Variants in GSK3B observed in about 807,000 individuals in gnomAD.
GSK3B encodes the protein glycogen synthase kinase 3 beta.
In GSK3B, 15 loss-of-function variants were observed where a neutral mutation model predicts 56.4. The ratio of observed to expected loss-of-function variants is 0.27; its 90% CI spans 0.18 to 0.41. GSK3B has a LOEUF of 0.41. Among genes scored for constraint, GSK3B ranks in the 10% least tolerant of loss-of-function variants. The pLI is 1.00. For missense variants in GSK3B, 300 were observed against 513.4 expected (o/e 0.58, Z 4.02); for synonymous variants, 181 against 188.9 (o/e 0.96, Z 0.34).
chr3:119,861,382 G>C (rs1283970734), intron 9 of GSK3B, among the ~76,000 whole-genome samples: 1 of 151,742 alleles, frequency 6.6e-6, no homozygotes, highest in East Asian at 1.9e-4. Flanking sequence ...ATGGTGGCAG[G>C]AGCCTGTAAT....
chr3:119,953,353 C>G (rs535604058), intron 2 of GSK3B, among the ~76,000 whole-genome samples: 1 of 152,242 alleles, frequency 6.6e-6, no homozygotes, highest in African/African-American at 2.4e-5. Flanking sequence ...ACATCACACA[C>G]TACATAAAAT....
intron 1 of GSK3B, among the ~76,000 whole-genome samples, chr3:120,079,685 G>A (rs1488789873): frequency 1.3e-5 from 2 of 152,072 alleles, no homozygotes; most frequent in Admixed American, 6.6e-5. Context: ...GTGAGCCACC[G>A]CACCCGGCCT....
chr3:119,962,946 A>G (rs768364290), intron 2 of GSK3B, among the ~76,000 whole-genome samples: 1 of 152,182 alleles, frequency 6.6e-6, no homozygotes, highest in Non-Finnish European at 1.5e-5. Flanking sequence ...CTCAGGCAGT[A>G]ATGCTCACTG....
chr3:119,875,367 C>T (rs1173141553), intron 8 of GSK3B, among the ~76,000 whole-genome samples: 5 of 151,908 alleles, frequency 3.3e-5, no homozygotes, highest in Admixed American at 2.0e-4. Flanking sequence ...AATGACTTCA[C>T]CTCGAATTAT....
intron 8 of GSK3B, among the ~76,000 whole-genome samples, chr3:119,871,932 T>G (rs1262095683): frequency 6.6e-6 from 1 of 152,150 alleles, no homozygotes. Flanking sequence ...AGTTATTACT[T>G]TATTCTTTTG....
chr3:120,040,394 C>T (rs1032887982), intron 1 of GSK3B, among the ~76,000 whole-genome samples: 5 of 152,130 alleles, frequency 3.3e-5, no homozygotes, highest in African/African-American at 1.2e-4. Flanking sequence ...GTGGCCAGAG[C>T]AGATGCAGCG....
chr3:119,869,223 CAAAAAAAA>C (rs67194724), intron 8 of GSK3B, among the ~76,000 whole-genome samples: 14 of 54,844 alleles, frequency 2.6e-4, no homozygotes, highest in East Asian at 6.0e-4. Flanking sequence ...GATTCCATCT[CAAAAAAAA>C]AAAAAAAAAA....
intron 3 of GSK3B, among the ~76,000 whole-genome samples, chr3:119,940,416 C>T (rs1272493542): frequency 6.6e-6 from 1 of 151,994 alleles, no homozygotes; most frequent in Admixed American, 6.6e-5. Context: ...CATATGCACA[C>T]ATACCTGCTC....
intron 1 of GSK3B, among the ~76,000 whole-genome samples, chr3:120,026,323 G>A (rs768381623): frequency 1.3e-5 from 2 of 152,128 alleles, no homozygotes; most frequent in East Asian, 1.9e-4. Flanking sequence ...GAAGGTATCT[G>A]CTGGAGCAAG....
chr3:120,020,743 A>C (rs2057869492), intron 1 of GSK3B, among the ~76,000 whole-genome samples: 1 of 152,228 alleles, frequency 6.6e-6, no homozygotes, highest in Non-Finnish European at 1.5e-5. Context: ...AGCTAGAAGT[A>C]ATTAAGCTTA....
chr3:120,070,256 C>A lies in GSK3B; in HGVS notation c.88+23091G>T, dbSNP rs188738107. On this transcript the variant is annotated intron_variant, in intron 1 of 10. Transcript: ENST00000264235. ...AACAAAAAACAAAAAAAAAAAACAT[C>A]CTGTATATATAACAGTTTAAATAAA... Among the ~76,000 whole-genome samples the A allele has an allele frequency of 6.3e-3, 943 of 150,662 alleles. 6 individuals are homozygous for A. The highest frequency in any genetic ancestry group is 0.011 in the Non-Finnish European group (717 of 67,662).
chr3:119,902,776 A>C (rs1159559456), intron 7 of GSK3B, among the ~76,000 whole-genome samples: 1 of 152,138 alleles, frequency 6.6e-6, no homozygotes, highest in African/African-American at 2.4e-5. Context: ...GTACAGGGGC[A>C]TAATCTTGGC....
intron 1 of GSK3B, among the ~76,000 whole-genome samples, chr3:120,079,372 C>T (rs1349043667): frequency 6.7e-6 from 1 of 149,626 alleles, no homozygotes; most frequent in Non-Finnish European, 1.5e-5. Context: ...AATAAGTAGA[C>T]TACTGCCACA....
Position 120,094,009 on chromosome 3 carries a change from G to T in GSK3B, c.-575C>A. 1 of 218,596 alleles carries T rather than the reference G, an allele frequency of 4.6e-6. No homozygotes were observed. The allele number at this position is 218,596 out of a possible 1,614,324, so 13.5% of individuals were successfully genotyped here. A position where few individuals can be genotyped will look rare whatever the true frequency, so the allele number is the denominator to read the frequency against. On this transcript the variant is annotated 5_prime_UTR_variant, in exon 1 of 11. Coordinates refer to ENST00000264235, the MANE Select transcript of GSK3B (RefSeq NM_001146156.2). Reference sequence around the variant, plus strand: ...GACGGCAGGGGCCCGGCGAACTAGAGGGCGGCGGAGTCGCGAGTCAGTCAG... The same window carrying T: ...GACGGCAGGGGCCCGGCGAACTAGATGGCGGCGGAGTCGCGAGTCAGTCAG...
At chr3:119,925,802 T>C (rs541018822) in intron 3 of GSK3B, among the ~76,000 whole-genome samples, 14 of 152,258 alleles carry the variant, frequency 9.2e-5, no homozygotes, top group African/African-American at 3.1e-4. Flanking sequence ...CCTCCTATTC[T>C]AAAACTTTCT....
At chr3:119,969,820 C>G (rs2057349771) in intron 2 of GSK3B, among the ~76,000 whole-genome samples, 1 of 152,128 alleles carries the variant, frequency 6.6e-6, no homozygotes, top group South Asian at 2.1e-4. Context: ...TTCAGTTAAC[C>G]ACAGTCCAAA....
chr3:119,955,659 T>C (rs2057206762), intron 2 of GSK3B, among the ~76,000 whole-genome samples: 1 of 151,974 alleles, frequency 6.6e-6, no homozygotes, highest in Non-Finnish European at 1.5e-5. Flanking sequence ...TTTGTTGTTG[T>C]TGTTGTTGTT....
chr3:120,069,913 C>A (rs894539144), intron 1 of GSK3B, among the ~76,000 whole-genome samples: 1 of 151,888 alleles, frequency 6.6e-6, no homozygotes, highest in African/African-American at 2.4e-5. Context: ...ATGATTTTTC[C>A]TTAAATAAAT....
intron 8 of GSK3B, among the ~76,000 whole-genome samples, chr3:119,875,479 T>C (rs1445178752): frequency 6.7e-6 from 1 of 149,570 alleles, no homozygotes; most frequent in African/African-American, 2.5e-5. Context: ...TATTATAAAG[T>C]CGATCATTGG....
Sources: gnomAD v4.1 joint callset for allele counts (sites outside exome capture counted in the v4.1 genomes callset) on GRCh38, gnomAD v4.1.1 for gene constraint, MANE v1.5 for transcripts, NCBI Gene and HGNC (gene_info 2026-07-23, HGNC 2026-07-21) for gene names.